Variants in CCSER1 observed in about 807,000 individuals in gnomAD.
CCSER1 encodes the protein coiled-coil serine rich protein 1.
CCSER1 carries 41 observed loss-of-function variants against 82.0 expected under a neutral mutation model. That is an observed-to-expected ratio of 0.50 (90% CI 0.39 to 0.65). CCSER1 has a LOEUF of 0.65. Ranked by LOEUF, CCSER1 falls within the 30% of genes least tolerant of loss-of-function variation. The pLI is 0.00. For synonymous variants in CCSER1, 414 were observed against 383.9 expected (o/e 1.08, Z -0.92); for missense variants, 1,119 against 1,064.2 (o/e 1.05, Z -0.72).
At chr4:90,492,893 A>G (rs1304847384) in intron 5 of CCSER1, among the ~76,000 whole-genome samples, 1 of 152,138 alleles carries the variant, frequency 6.6e-6, no homozygotes, top group African/African-American at 2.4e-5. Context: ...ATAGTTTGTT[A>G]AAGCTTCTAT....
At chr4:90,264,365 C>T (rs1285499692) in intron 1 of CCSER1, among the ~76,000 whole-genome samples, 1 of 152,132 alleles carries the variant, frequency 6.6e-6, no homozygotes, top group East Asian at 1.9e-4. Flanking sequence ...GCAAACCTGA[C>T]TCCCAAAGAC....
intron 10 of CCSER1, among the ~76,000 whole-genome samples, chr4:91,554,451 A>G (rs559639804): frequency 1.3e-5 from 2 of 151,450 alleles, no homozygotes; most frequent in South Asian, 2.1e-4. Flanking sequence ...CACATACACA[A>G]TAGCACAAAA....
chr4:90,285,916 T>C (rs571772713), intron 1 of CCSER1, among the ~76,000 whole-genome samples: 2 of 152,062 alleles, frequency 1.3e-5, no homozygotes, highest in Non-Finnish European at 2.9e-5. Context: ...TCCTTCATTC[T>C]GTTGATGTGA....
chr4:90,273,751 A>G (rs72879723), intron 1 of CCSER1, among the ~76,000 whole-genome samples: 7,376 of 152,192 alleles, frequency 0.048, 478 homozygotes, highest in African/African-American at 0.15. Flanking sequence ...CCAAACTAGT[A>G]GGGATAGTGA....
intron 5 of CCSER1, among the ~76,000 whole-genome samples, chr4:90,550,828 GA>G (rs1459862368): frequency 4.0e-5 from 6 of 151,848 alleles, no homozygotes; most frequent in South Asian, 2.1e-4. Flanking sequence ...AAGTTGGGGG[GA>G]AAAGTAGATT....
intron 7 of CCSER1, among the ~76,000 whole-genome samples, chr4:90,808,393 G>T (rs1330215647): frequency 6.6e-6 from 1 of 151,974 alleles, no homozygotes; most frequent in Non-Finnish European, 1.5e-5. Context: ...AAATAAATGA[G>T]ACCTAATTAA....
At chr4:90,564,511 A>G (rs1779146836) in intron 5 of CCSER1, among the ~76,000 whole-genome samples, 1 of 152,078 alleles carries the variant, frequency 6.6e-6, no homozygotes, top group African/African-American at 2.4e-5. Context: ...TTTACTGGGC[A>G]GAAGTTTTGT....
chr4:90,848,399 T>C (rs1415873585), intron 8 of CCSER1, among the ~76,000 whole-genome samples: 1 of 152,168 alleles, frequency 6.6e-6, no homozygotes, highest in Non-Finnish European at 1.5e-5. Context: ...TTGAAAGATA[T>C]AAAAGGGTAG....
intron 10 of CCSER1, among the ~76,000 whole-genome samples, chr4:91,178,242 G>C: frequency 6.6e-6 from 1 of 152,084 alleles, no homozygotes; most frequent in East Asian, 1.9e-4. Context: ...TATGTGGTCG[G>C]TTTTGGAATA....
chr4:91,304,536 A>G (rs1473578764), intron 10 of CCSER1, among the ~76,000 whole-genome samples: 1 of 152,040 alleles, frequency 6.6e-6, no homozygotes, highest in Admixed American at 6.6e-5. Context: ...TAGCGACCCA[A>G]TATTAGTTCC....
At chr4:91,261,298 C>T (rs1741113136) in intron 10 of CCSER1, among the ~76,000 whole-genome samples, 1 of 152,172 alleles carries the variant, frequency 6.6e-6, no homozygotes, top group Non-Finnish European at 1.5e-5. Flanking sequence ...ACACACCTAG[C>T]ATTAGCTTTG....
intron 1 of CCSER1, among the ~76,000 whole-genome samples, chr4:90,218,440 GC>G (rs1741512416): frequency 6.6e-6 from 1 of 152,114 alleles, no homozygotes; most frequent in South Asian, 2.1e-4. Context: ...TAACAAACTT[GC>G]ACGTGTACCC....
At chr4:91,265,132 T>G (rs1268112204) in intron 10 of CCSER1, among the ~76,000 whole-genome samples, 1 of 151,996 alleles carries the variant, frequency 6.6e-6, no homozygotes, top group Non-Finnish European at 1.5e-5. Flanking sequence ...TGACTTCAAC[T>G]TTTAGCCTAT....
chr4:90,806,425 A>T (rs550248319), intron 7 of CCSER1, among the ~76,000 whole-genome samples: 7 of 152,288 alleles, frequency 4.6e-5, no homozygotes, highest in African/African-American at 1.7e-4. Flanking sequence ...CAATATAGGG[A>T]AATGTTCCAT....
At chr4:90,671,238 T>G (rs970001033) in intron 6 of CCSER1, among the ~76,000 whole-genome samples, 3 of 151,984 alleles carry the variant, frequency 2.0e-5, no homozygotes, top group Non-Finnish European at 4.4e-5. Flanking sequence ...GTGTGCCACA[T>G]TAATTGACTC....
At position 91,455,244 on chromosome 4, in the gene CCSER1, C is replaced by T. The variant is rs975580891; in HGVS notation, c.2218-143328C>T. ...TGGAAAACTGAATTAGGTGTCCCCTCATTCTGTCAGGGTATGTACTGTGCT... is the reference window on the plus strand; with the variant it reads ...TGGAAAACTGAATTAGGTGTCCCCTTATTCTGTCAGGGTATGTACTGTGCT... On this transcript the variant is annotated intron_variant, in intron 10 of 10. Coordinates refer to ENST00000509176, the MANE Select transcript of CCSER1 (RefSeq NM_001145065.2). Among the ~76,000 whole-genome samples, 6 of 152,146 alleles carry T rather than the reference C, an allele frequency of 3.9e-5. No homozygotes were observed. In the South Asian group the frequency reaches 1.2e-3, roughly 32 times the overall value.
intron 3 of CCSER1, among the ~76,000 whole-genome samples, chr4:90,396,780 C>G (rs1752021949): frequency 6.6e-6 from 1 of 152,030 alleles, no homozygotes; most frequent in Admixed American, 6.6e-5. Flanking sequence ...GTCCCAGAAA[C>G]ATTGTTTTAT....
chr4:91,154,083 G>T (rs1040221119), intron 10 of CCSER1, among the ~76,000 whole-genome samples: 1 of 151,998 alleles, frequency 6.6e-6, no homozygotes, highest in Non-Finnish European at 1.5e-5. Context: ...GCTACCTTTT[G>T]TTCAGCTATG....
chr4:90,258,960 G>T (rs1441791822), intron 1 of CCSER1, among the ~76,000 whole-genome samples: 2 of 152,056 alleles, frequency 1.3e-5, no homozygotes, highest in Non-Finnish European at 2.9e-5. Context: ...CTTTGGTTAT[G>T]TGGGCTCTTT....
Sources: gnomAD v4.1 joint callset for allele counts (sites outside exome capture counted in the v4.1 genomes callset) on GRCh38, gnomAD v4.1.1 for gene constraint, MANE v1.5 for transcripts, NCBI Gene and HGNC (gene_info 2026-07-23, HGNC 2026-07-21) for gene names.